ARID5B: variants seen among roughly 807,000 people sequenced by gnomAD.
ARID5B encodes the protein AT-rich interactive domain-containing protein 5B.
Under a neutral mutation model 97.2 loss-of-function variants are expected in ARID5B, and 13 were observed. The observed-to-expected ratio is 0.13, with a 90% CI of 0.09 to 0.21. ARID5B has a LOEUF of 0.21. Among genes scored for constraint, ARID5B ranks in the 10% least tolerant of loss-of-function variants. The pLI, the probability that ARID5B is intolerant of heterozygous loss-of-function variation, is 1.00. For synonymous variants in ARID5B, 556 were observed against 570.3 expected, an observed-to-expected ratio of 0.97 and a Z score of 0.36; for missense variants, 1,210 against 1,465.3, an observed-to-expected ratio of 0.83 and a Z score of 2.84.
chr10:62,092,398 C>T lies in ARID5B; in HGVS notation c.2935C>T (p.His979Tyr). The T allele has an allele frequency of 6.2e-7, 1 of 1,614,216 alleles. No homozygotes were observed. The highest frequency in any genetic ancestry group is 8.5e-7 in the Non-Finnish European group (1 of 1,180,040). The change falls in exon 10 of 10, where the codon CAC becomes TAC. Residue 979 changes from histidine (H) to tyrosine (Y), a missense_variant. Transcript: ENST00000279873. The part of the protein sequence containing the change: ...PESLSRSGKP[H>Y]HVRLENFRKM... ...ATCGCTTTCAAGATCAGGAAAACCT[C>T]ACCATGTGAGACTGGAGAATTTCAG...
chr10:61,935,578 G>A (rs1355138552), intron 2 of ARID5B, among the ~76,000 whole-genome samples: 1 of 151,958 alleles, frequency 6.6e-6, no homozygotes, highest in Admixed American at 6.6e-5. Flanking sequence ...GGAGGGAGAG[G>A]GTGACTACTA....
chr10:61,901,927 C>T (rs1392639502), intron 1 of ARID5B, among the ~76,000 whole-genome samples, 197 bp downstream of exon 1: 1 of 151,668 alleles, frequency 6.6e-6, no homozygotes. Flanking sequence ...GTAATTTTAC[C>T]GCCTCAAATG....
intron 4 of ARID5B, among the ~76,000 whole-genome samples, chr10:62,032,279 A>G (rs1839506973): frequency 6.6e-6 from 1 of 152,208 alleles, no homozygotes; most frequent in Admixed American, 6.5e-5. Context: ...TGATCACACC[A>G]CTGCACACTC....
chr10:62,092,694 C>T lies in ARID5B; in HGVS notation c.3231C>T (p.Ile1077=), dbSNP rs1343745122. 1 of 1,614,050 alleles carries T rather than the reference C, an allele frequency of 6.2e-7. No homozygotes were observed. Among genetic ancestry groups the T allele is most frequent in the African/African-American group, 1.3e-5 (1 of 75,044 alleles). The change falls in exon 10 of 10, where the codon ATC becomes ATT. Residue 1077 remains isoleucine (I), a synonymous_variant. Coordinates refer to ENST00000279873, the MANE Select transcript of ARID5B (RefSeq NM_032199.3). The stretch of plus-strand genomic sequence containing the variant: ...ACAAGCTTCCCCTCTCCTCCCCTAT[C>T]TTCCCAGGTCTGTATTCCGGGAGCC... ...EGHKLPLSSP[I]FPGLYSGSLC...
chr10:61,963,173 T>C (rs1158932193), intron 3 of ARID5B, among the ~76,000 whole-genome samples: 2 of 152,208 alleles, frequency 1.3e-5, no homozygotes, highest in Non-Finnish European at 2.9e-5. Flanking sequence ...AAAAATAAGA[T>C]ATTCCCGCAT....
In ARID5B at chr10:62,094,560, A is replaced by G. The variant is rs1395579718; in HGVS notation, c.*1530A>G. ...CTTTCTGGTTTCTTTTATTGTGGGA[A>G]GTAAATGGTCAAGCTGCTCAGGCAG... On this transcript the variant is annotated 3_prime_UTR_variant, in exon 10 of 10. Transcript: ENST00000279873. 1 of 231,836 alleles carries G rather than the reference A, an allele frequency of 4.3e-6. No homozygotes were observed. The highest frequency in any genetic ancestry group is 8.5e-6 in the Non-Finnish European group (1 of 117,122). 14.4% of individuals were successfully genotyped at this position (231,836 alleles called of 1,614,324 possible). A position where few individuals can be genotyped will look rare whatever the true frequency, so the allele number is the denominator to read the frequency against.
chr10:62,009,259 GC>G (rs1224019206), intron 4 of ARID5B, among the ~76,000 whole-genome samples: 1 of 152,156 alleles, frequency 6.6e-6, no homozygotes, highest in African/African-American at 2.4e-5. Context: ...CTCTCCAGGT[GC>G]CATCTTGGAG....
chr10:62,049,818 A>G (rs1839761874), intron 4 of ARID5B, among the ~76,000 whole-genome samples: 1 of 152,220 alleles, frequency 6.6e-6, no homozygotes, highest in Non-Finnish European at 1.5e-5. Flanking sequence ...AAGATTAACA[A>G]CAATCAAGAA....
chr10:61,966,122 G>T (rs1838542013), intron 3 of ARID5B, among the ~76,000 whole-genome samples: 1 of 152,096 alleles, frequency 6.6e-6, no homozygotes, highest in African/African-American at 2.4e-5. Context: ...CACTGTTAAT[G>T]GTTTAATTCC....
chr10:61,918,061 A>C (rs896795282), intron 2 of ARID5B, among the ~76,000 whole-genome samples: 53 of 152,156 alleles, frequency 3.5e-4, no homozygotes, highest in African/African-American at 1.2e-3. Context: ...CCAATACCGG[A>C]TATGGTCTGG....
chr10:62,092,447 C>G lies in ARID5B; in HGVS notation c.2984C>G (p.Pro995Arg), dbSNP rs751291726. 6.2e-7 allele frequency: 1 copy of G among 1,614,208 alleles called. No individual in the cohort carries two copies. The highest frequency in any genetic ancestry group is 8.5e-7 in the Non-Finnish European group (1 of 1,180,030). The change falls in exon 10 of 10, where the codon CCA (proline) becomes CGA (arginine). Residue 995 changes from proline (P) to arginine (R), a missense_variant. Around this residue, in one of 8 missense-constraint regions of ARID5B, gnomAD observed 800 missense variants for 839.1 expected, o/e 0.95. Coordinates refer to ENST00000279873, the MANE Select transcript of ARID5B (RefSeq NM_032199.3). ...AGGAAGATGGAAGGCATGGTCCACCCAATCCTGCACCGGAAAATGAGCCCG... is the reference window on the plus strand; with the variant it reads ...AGGAAGATGGAAGGCATGGTCCACCGAATCCTGCACCGGAAAATGAGCCCG... ...NFRKMEGMVHPILHRKMSPQN... is the reference protein window; with the variant it reads ...NFRKMEGMVHRILHRKMSPQN...
At chr10:61,996,197 C>A (rs544635271) in intron 3 of ARID5B, among the ~76,000 whole-genome samples, 15 of 151,998 alleles carry the variant, frequency 9.9e-5, no homozygotes, top group Non-Finnish European at 1.5e-4. Context: ...TTGCAGTGTT[C>A]CAAAATAATA....
At chr10:61,952,604 T>C (rs1838338347) in intron 3 of ARID5B, among the ~76,000 whole-genome samples, 1 of 152,340 alleles carries the variant, frequency 6.6e-6, no homozygotes, top group African/African-American at 2.4e-5. Context: ...GAGACACCTA[T>C]GTGCATTTGA....
At position 61,936,730 on chromosome 10, in the gene ARID5B, T is replaced by C. The variant is rs558125738; in HGVS notation, c.277-3453T>C. Among the ~76,000 whole-genome samples the C allele has an allele frequency of 4.8e-4, 73 of 151,682 alleles. 1 individual carries two copies. Among genetic ancestry groups the C allele is most frequent in the Non-Finnish European group, 3.5e-4 (24 of 67,978 alleles). ...TTTAGAGAAGAAATAACAATGATCATGATAGCTAATTCTGACATGCTACTT... is the reference window on the plus strand; with the variant it reads ...TTTAGAGAAGAAATAACAATGATCACGATAGCTAATTCTGACATGCTACTT... On this transcript the variant is annotated intron_variant, in intron 2 of 9. Coordinates refer to ENST00000279873, the MANE Select transcript of ARID5B (RefSeq NM_032199.3).
At chr10:61,947,998 AC>A (rs1838264037) in intron 3 of ARID5B, among the ~76,000 whole-genome samples, 1 of 152,230 alleles carries the variant, frequency 6.6e-6, no homozygotes, top group Non-Finnish European at 1.5e-5. Flanking sequence ...TCTTCTGATG[AC>A]GGACTGAAGA....
At chr10:61,923,276 T>C (rs1844048565) in intron 2 of ARID5B, among the ~76,000 whole-genome samples, 1 of 152,208 alleles carries the variant, frequency 6.6e-6, no homozygotes, top group Admixed American at 6.5e-5. Context: ...GCTGCTTCCT[T>C]TTCTTTCTCA....
rs766155061 is a variant in ARID5B at position 62,091,751 on chromosome 10, C to T, written c.2288C>T (p.Ser763Leu). The T allele has an allele frequency of 5.6e-6, 9 of 1,614,116 alleles. No individual in the cohort carries two copies. The highest frequency in any genetic ancestry group is 1.3e-5 in the African/African-American group (1 of 75,044). The change falls in exon 10 of 10, where the codon TCG becomes TTG. Residue 763 changes from serine (S) to leucine (L), a missense_variant. Coordinates refer to ENST00000279873, the MANE Select transcript of ARID5B (RefSeq NM_032199.3). Reference sequence around the variant, plus strand: ...GTCCAGAGTTTCAGAAGCAAGCCCTCGGAAGAGAGAAAGACCATCAATGAC... The same window carrying T: ...GTCCAGAGTTTCAGAAGCAAGCCCTTGGAAGAGAGAAAGACCATCAATGAC... ...QHVQSFRSKP[S>L]EERKTINDIF... is the part of the protein sequence containing the mutation.
chr10:62,008,758 T>C (rs748651728), intron 4 of ARID5B, among the ~76,000 whole-genome samples: 3 of 152,224 alleles, frequency 2.0e-5, no homozygotes, highest in Non-Finnish European at 4.4e-5. Context: ...TAGGGCTCTT[T>C]AAGAGTGCAA....
At chr10:61,911,912 C>G (rs1314902333) in intron 2 of ARID5B, among the ~76,000 whole-genome samples, 1 of 152,096 alleles carries the variant, frequency 6.6e-6, no homozygotes, top group East Asian at 1.9e-4. Flanking sequence ...TGGGGTCTTG[C>G]AAAATGAAAT....
Sources: gnomAD v4.1 joint callset for allele counts (sites outside exome capture counted in the v4.1 genomes callset) on GRCh38, gnomAD v4.1.1 for gene constraint, gnomAD v4.1.1 regional missense constraint, MANE v1.5 for transcripts, NCBI Gene and HGNC (gene_info 2026-07-23, HGNC 2026-07-21) for gene names.